Variants in TENM3 observed in about 807,000 individuals in gnomAD.
TENM3 encodes teneurin transmembrane protein 3.
Under a neutral mutation model 255.1 loss-of-function variants are expected in TENM3, and 63 were observed. That is an observed-to-expected ratio of 0.25 (90% CI 0.20 to 0.30). The LOEUF is 0.30. Among genes scored for constraint, TENM3 ranks in the 10% least tolerant of loss-of-function variants. The pLI is 1.00. For missense variants in TENM3, 2,929 were observed against 3,461.1 expected (o/e 0.85, Z 3.86); for synonymous variants, 1,306 against 1,322.3 (o/e 0.99, Z 0.27).
At chr4:181,474,206 C>G in the TENM3 span, among the ~76,000 whole-genome samples, 1 of 151,816 alleles carries the variant, frequency 6.6e-6, no homozygotes, top group South Asian at 2.1e-4. Flanking sequence ...ACGACAAATA[C>G]CTAATATAGG....
chr4:181,595,257 C>T, the TENM3 span, among the ~76,000 whole-genome samples: 13 of 151,730 alleles, frequency 8.6e-5, no homozygotes, highest in Admixed American at 2.6e-4. Flanking sequence ...ATGGTGAAAC[C>T]CCATCTGTAC....
the TENM3 span, among the ~76,000 whole-genome samples, chr4:181,867,887 G>A: frequency 6.6e-6 from 1 of 152,042 alleles, no homozygotes; most frequent in Non-Finnish European, 1.5e-5. Context: ...TAATGTTTAT[G>A]CCTCCATTTT....
chr4:182,008,695 T>G, the TENM3 span, among the ~76,000 whole-genome samples: 1 of 152,234 alleles, frequency 6.6e-6, no homozygotes, highest in African/African-American at 2.4e-5. Context: ...TCATAGTTTT[T>G]TATTACCCAT....
the TENM3 span, among the ~76,000 whole-genome samples, chr4:181,622,490 A>G: frequency 6.6e-6 from 1 of 152,140 alleles, no homozygotes; most frequent in African/African-American, 2.4e-5. Flanking sequence ...AGCATGGCCA[A>G]CTTGGTGAAA....
the TENM3 span, among the ~76,000 whole-genome samples, chr4:181,605,151 A>G: frequency 6.6e-6 from 1 of 152,062 alleles, no homozygotes. Context: ...ACCAGGTAAG[A>G]AAACAAGCAA....
At chr4:181,565,034 T>C in the TENM3 span, among the ~76,000 whole-genome samples, 1 of 152,266 alleles carries the variant, frequency 6.6e-6, no homozygotes, top group South Asian at 2.1e-4. Context: ...CAATTGTATA[T>C]ATCAAGTTAA....
chr4:181,604,495 G>A, the TENM3 span, among the ~76,000 whole-genome samples: 1 of 152,078 alleles, frequency 6.6e-6, no homozygotes, highest in Non-Finnish European at 1.5e-5. Context: ...TCTTACTTAA[G>A]ACACATTTTC....
the TENM3 span, among the ~76,000 whole-genome samples, chr4:182,050,149 C>T: frequency 2.7e-3 from 406 of 152,090 alleles, 4 homozygotes; most frequent in East Asian, 0.019. Context: ...CCTGCCACCA[C>T]GCCTGGCTAA....
chr4:182,017,239 G>A, the TENM3 span, among the ~76,000 whole-genome samples: 1 of 152,208 alleles, frequency 6.6e-6, no homozygotes, highest in Admixed American at 6.5e-5. Context: ...CAGGCCACAC[G>A]CCGTGCTTCG....
At chr4:181,740,574 A>G in the TENM3 span, among the ~76,000 whole-genome samples, 6 of 152,142 alleles carry the variant, frequency 3.9e-5, no homozygotes, top group Non-Finnish European at 5.9e-5. Flanking sequence ...CAGAAGTAGA[A>G]AAAGCAAATG....
intron 3 of TENM3, among the ~76,000 whole-genome samples, chr4:182,402,378 A>G (rs2151034086): frequency 6.6e-6 from 1 of 152,278 alleles, no homozygotes; most frequent in Middle Eastern, 3.4e-3. Context: ...ATGCCTCAAA[A>G]TCTTGTATAC....
chr4:181,722,769 GATTA>G, the TENM3 span, among the ~76,000 whole-genome samples: 1 of 152,126 alleles, frequency 6.6e-6, no homozygotes, highest in Admixed American at 6.5e-5. Context: ...GTTTCATGAT[GATTA>G]ATTATCTTCT....
chr4:182,639,513 T>C (rs1427046035), intron 5 of TENM3, among the ~76,000 whole-genome samples: 1 of 152,174 alleles, frequency 6.6e-6, no homozygotes, highest in Non-Finnish European at 1.5e-5. Context: ...GCCCAGAAAA[T>C]CAGTGACTTG....
intron 3 of TENM3, among the ~76,000 whole-genome samples, chr4:182,560,148 C>T (rs1156888974): frequency 6.6e-6 from 1 of 151,214 alleles, no homozygotes; most frequent in Non-Finnish European, 1.5e-5. Flanking sequence ...ACACACACAC[C>T]CTGAATCCTG....
intron 1 of TENM3, among the ~76,000 whole-genome samples, chr4:182,225,250 G>T (rs1378348972): frequency 6.6e-6 from 1 of 152,114 alleles, no homozygotes; most frequent in Non-Finnish European, 1.5e-5. Context: ...TGGGTCTCAG[G>T]ATATATCTAG....
At chr4:182,007,956 A>G in the TENM3 span, among the ~76,000 whole-genome samples, 1 of 151,858 alleles carries the variant, frequency 6.6e-6, no homozygotes, top group Non-Finnish European at 1.5e-5. Context: ...CTGTCTGGAG[A>G]GGTTTTATTT....
chr4:182,100,810 C>T, the TENM3 span, among the ~76,000 whole-genome samples: 179 of 6,282 alleles, frequency 0.028, 27 homozygotes, highest in Middle Eastern at 0.1. Context: ...TATATATACA[C>T]ATATATATAC....
the TENM3 span, among the ~76,000 whole-genome samples, chr4:181,546,669 G>A: frequency 2.2e-5 from 3 of 138,116 alleles, no homozygotes; most frequent in Non-Finnish European, 3.1e-5. Flanking sequence ...AGCCGAGATC[G>A]CGCCACTGCA....
chr4:181,726,280 G>T, the TENM3 span, among the ~76,000 whole-genome samples: 1 of 152,096 alleles, frequency 6.6e-6, no homozygotes, highest in Non-Finnish European at 1.5e-5. Context: ...ATGAGTAGAA[G>T]AACACCAATT....
Sources: gnomAD v4.1 joint callset for allele counts (sites outside exome capture counted in the v4.1 genomes callset) on GRCh38, gnomAD v4.1.1 for gene constraint, MANE v1.5 for transcripts, NCBI Gene and HGNC (gene_info 2026-07-23, HGNC 2026-07-21) for gene names.